Variants in TBC1D8 observed in about 807,000 individuals in gnomAD.
TBC1D8 encodes TBC1 domain family member 8.
Under a neutral mutation model 118.8 loss-of-function variants are expected in TBC1D8, and 65 were observed. The observed-to-expected ratio is 0.55, with a 90% CI of 0.45 to 0.67. The LOEUF (loss-of-function observed/expected upper bound fraction) is 0.67. TBC1D8 is among the 30% of genes least tolerant of loss of function. The pLI is 0.00. For synonymous variants in TBC1D8, 566 were observed against 595.8 expected, an observed-to-expected ratio of 0.95 and a Z score of 0.73; for missense variants, 1,376 against 1,471.2, an observed-to-expected ratio of 0.94 and a Z score of 1.06.
intron 3 of TBC1D8, among the ~76,000 whole-genome samples, chr2:101,056,878 A>C (rs1682470262): frequency 6.6e-6 from 1 of 152,146 alleles, no homozygotes; most frequent in African/African-American, 2.4e-5. Flanking sequence ...AGTTTTGTAG[A>C]GTCATCAAAG....
chr2:101,039,373 T>C (rs1032564819), intron 6 of TBC1D8, among the ~76,000 whole-genome samples: 3 of 152,204 alleles, frequency 2.0e-5, no homozygotes, highest in Non-Finnish European at 2.9e-5. Flanking sequence ...AATCCCAGCA[T>C]TGTCAGAGGC....
At chr2:101,137,730 C>G (rs993382717) in intron 1 of TBC1D8, among the ~76,000 whole-genome samples, 2 of 152,226 alleles carry the variant, frequency 1.3e-5, no homozygotes, top group African/African-American at 2.4e-5. Context: ...TTACCCCAGA[C>G]AAGACAGTAC....
chr2:101,131,509 G>C, intron 1 of TBC1D8, among the ~76,000 whole-genome samples: 1 of 144,428 alleles, frequency 6.9e-6, no homozygotes, highest in Middle Eastern at 4.5e-3. Context: ...GCGAAACTCC[G>C]TTTCAAAAAA....
chr2:101,107,232 T>C (rs1677280822), intron 1 of TBC1D8, among the ~76,000 whole-genome samples: 1 of 152,328 alleles, frequency 6.6e-6, no homozygotes. Context: ...CAGGTTCAGC[T>C]TACTATAGAT....
chr2:101,045,414 C>T (rs1681637595), intron 5 of TBC1D8, among the ~76,000 whole-genome samples: 1 of 152,244 alleles, frequency 6.6e-6, no homozygotes, highest in Non-Finnish European at 1.5e-5. Flanking sequence ...CCAACTCTTG[C>T]TCCCTCTGGT....
chr2:101,135,986 G>A (rs528395329), intron 1 of TBC1D8, among the ~76,000 whole-genome samples: 1 of 152,304 alleles, frequency 6.6e-6, no homozygotes, highest in Non-Finnish European at 1.5e-5. Flanking sequence ...AGCCTCCCAA[G>A]TAGCTGGGAC....
chr2:101,035,951 G>A (rs1450109619), intron 9 of TBC1D8, 67 bp downstream of exon 9: 31 of 1,569,734 alleles, frequency 2.0e-5, no homozygotes, highest in Admixed American at 1.9e-4. Context: ...CGCGCTGCTC[G>A]GGTCCGGGCT....
At chr2:101,148,268 C>T (rs1487098483) in intron 1 of TBC1D8, among the ~76,000 whole-genome samples, 4 of 152,098 alleles carry the variant, frequency 2.6e-5, no homozygotes, top group African/African-American at 4.8e-5. Flanking sequence ...GCAATCAGTC[C>T]GAAATGCTGG....
At chr2:101,084,731 C>T (rs1438577915) in intron 2 of TBC1D8, among the ~76,000 whole-genome samples, 7 of 152,062 alleles carry the variant, frequency 4.6e-5, no homozygotes, top group African/African-American at 9.7e-5. Flanking sequence ...ACACACACAG[C>T]GCAGAATCTC....
At chr2:101,056,282 C>A (rs970787605) in intron 3 of TBC1D8, among the ~76,000 whole-genome samples, 14 of 151,268 alleles carry the variant, frequency 9.3e-5, no homozygotes, top group African/African-American at 2.9e-4. Flanking sequence ...CGGCTCACTG[C>A]AAGCTCTGCC....
At chr2:101,036,297 C>A in intron 8 of TBC1D8, 129 bp from the exon 9 acceptor site, 1 of 1,018,772 alleles carries the variant, frequency 9.8e-7, no homozygotes, top group Non-Finnish European at 1.5e-6. Context: ...CGGGCAAGGA[C>A]ACCTGTATTC....
chr2:101,128,993 A>G (rs1678470261), intron 1 of TBC1D8, among the ~76,000 whole-genome samples: 1 of 152,210 alleles, frequency 6.6e-6, no homozygotes, highest in Non-Finnish European at 1.5e-5. Context: ...ACTTTCATTT[A>G]GAGAAGATGA....
chr2:101,151,271 G>A lies in TBC1D8; in HGVS notation c.-18C>T, dbSNP rs1679553979. ...AGCCACATCGCGGCGGTCCGGCCGC[G>A]CCCGCCGGCCCCAGCTCACATCTCC... On this transcript the variant is annotated 5_prime_UTR_variant, in exon 1 of 20. Transcript: ENST00000409318. 2 of 1,133,096 alleles carry A rather than the reference G, an allele frequency of 1.8e-6. No individual in the cohort carries two copies. Among genetic ancestry groups the A allele is most frequent in the Non-Finnish European group, 2.2e-6 (2 of 911,648 alleles). The allele number at this position is 1,133,096 out of a possible 1,614,324, so 70.2% of individuals were successfully genotyped here. A position where few individuals can be genotyped will look rare whatever the true frequency, so the allele number is the denominator to read the frequency against.
chr2:101,118,349 T>A (rs1677924804), intron 1 of TBC1D8, among the ~76,000 whole-genome samples: 1 of 152,130 alleles, frequency 6.6e-6, no homozygotes, highest in South Asian at 2.1e-4. Flanking sequence ...AAAGAGCAAG[T>A]CCAATTATCC....
At chr2:101,135,737 A>C (rs1022163795) in intron 1 of TBC1D8, among the ~76,000 whole-genome samples, 5 of 152,230 alleles carry the variant, frequency 3.3e-5, no homozygotes, top group African/African-American at 1.2e-4. Flanking sequence ...CCTCCTGATA[A>C]CATGAGCAGA....
In TBC1D8 at chr2:101,111,345, G is replaced by A. The variant is rs138082429; in HGVS notation, c.128-20981C>T. Among the ~76,000 whole-genome samples the A allele has an allele frequency of 1.5e-3, 225 of 152,266 alleles. 1 individual carries two copies. Among genetic ancestry groups the A allele is most frequent in the African/African-American group, 5.2e-3 (215 of 41,558 alleles). ...GCGACCATATCACGCAGGATGCTCC[G>A]GCGGTGGCAACCTGAGAAGCTCACC... On this transcript the variant is annotated intron_variant, in intron 1 of 19. Coordinates refer to ENST00000409318, the MANE Select transcript of TBC1D8 (RefSeq NM_001330348.2).
intron 4 of TBC1D8, among the ~76,000 whole-genome samples, chr2:101,052,080 T>G (rs1682110408): frequency 6.6e-6 from 1 of 152,240 alleles, no homozygotes; most frequent in South Asian, 2.1e-4. Context: ...TGCAAAAGTT[T>G]CTCAATCTAC....
chr2:101,022,448 T>C lies in TBC1D8; in HGVS notation c.2594A>G (p.Tyr865Cys), dbSNP rs1306256823. ...MASRHDPSRPYAEQYRIDARQ... is the reference protein window; with the variant it reads ...MASRHDPSRPCAEQYRIDARQ... ...GGCATCTATGCGGTACTGCTCAGCA[T>C]AGGGCCGGCTGGGGTCGTGGCGTGA... The change falls in exon 16 of 20, where the codon TAT becomes TGT. Residue 865 changes from tyrosine (Y) to cysteine (C), a missense_variant. Transcript: ENST00000409318. 22 of 1,611,070 alleles carry C rather than the reference T, an allele frequency of 1.4e-5. No homozygotes were observed. Among genetic ancestry groups the C allele is most frequent in the Admixed American group, 1.7e-5 (1 of 58,926 alleles).
chr2:101,149,064 A>ACATGT (rs1195378777), intron 1 of TBC1D8, among the ~76,000 whole-genome samples: 1 of 152,198 alleles, frequency 6.6e-6, no homozygotes, highest in Non-Finnish European at 1.5e-5. Context: ...GTCTGGCTGC[A>ACATGT]CATGTCATCC....
Sources: gnomAD v4.1 joint callset for allele counts (sites outside exome capture counted in the v4.1 genomes callset) on GRCh38, gnomAD v4.1.1 for gene constraint, MANE v1.5 for transcripts, NCBI Gene and HGNC (gene_info 2026-07-23, HGNC 2026-07-21) for gene names.